Variants in AKAP6 observed in about 807,000 individuals in gnomAD.
AKAP6 encodes the protein A-kinase anchor protein 6.
A neutral mutation model predicts 188.5 loss-of-function variants in AKAP6; 58 were observed. That is an observed-to-expected ratio of 0.31 (90% CI 0.25 to 0.38). The LOEUF is 0.38. Among genes scored for constraint, AKAP6 ranks in the 10% least tolerant of loss-of-function variants. AKAP6 has a pLI of 1.00. For synonymous variants in AKAP6, 989 were observed against 998.6 expected (o/e 0.99, Z 0.18); for missense variants, 2,710 against 2,740.0 (o/e 0.99, Z 0.24).
intron 7 of AKAP6, among the ~76,000 whole-genome samples, chr14:32,646,814 T>C (rs1163016824): frequency 6.6e-6 from 1 of 152,078 alleles, no homozygotes; most frequent in Non-Finnish European, 1.5e-5. Context: ...GTAGTGGCAA[T>C]GGTGCATGAA....
Position 32,585,323 on chromosome 14 carries a change from A to T in AKAP6, c.2469+8081A>T, listed in dbSNP as rs997249177. 3.9e-5 allele frequency among the ~76,000 whole-genome samples: 6 copies of T among 152,350 alleles called. No homozygotes were observed. The East Asian group carries it at 5.8e-4, about 15-fold the overall frequency. ...GTGCAAGATGTAGGAAAAACAATCA[A>T]CCACAAGAGCCTGGCTTAAACTTAG... On this transcript the variant is annotated intron_variant, in intron 5 of 13. Coordinates refer to ENST00000280979, the MANE Select transcript of AKAP6 (RefSeq NM_004274.5).
At chr14:32,456,628 A>G (rs1374997977) in intron 2 of AKAP6, among the ~76,000 whole-genome samples, 1 of 152,200 alleles carries the variant, frequency 6.6e-6, no homozygotes, top group Non-Finnish European at 1.5e-5. Flanking sequence ...TCATTCGATA[A>G]TGGTTTGTCA....
At chr14:32,408,577 C>T (rs1010563361) in intron 1 of AKAP6, among the ~76,000 whole-genome samples, 2 of 150,348 alleles carry the variant, frequency 1.3e-5, no homozygotes, top group African/African-American at 4.9e-5. Context: ...CCACTCTAAA[C>T]ATAAGGATGA....
intron 12 of AKAP6, among the ~76,000 whole-genome samples, chr14:32,788,544 C>A (rs1203477471): frequency 6.6e-6 from 1 of 152,152 alleles, no homozygotes; most frequent in Non-Finnish European, 1.5e-5. Flanking sequence ...CAACAGCCCA[C>A]CTGGGAGTGG....
intron 2 of AKAP6, among the ~76,000 whole-genome samples, chr14:32,509,835 T>C (rs1000751984): frequency 6.6e-6 from 1 of 152,110 alleles, no homozygotes; most frequent in Non-Finnish European, 1.5e-5. Context: ...CTGTTTATAG[T>C]CCTTTCAAGG....
intron 1 of AKAP6, among the ~76,000 whole-genome samples, chr14:32,354,185 A>G (rs1343412530): frequency 2.0e-5 from 3 of 152,176 alleles, no homozygotes; most frequent in East Asian, 3.9e-4. Flanking sequence ...AGCTGGAGGC[A>G]TCATGCTACC....
chr14:32,570,124 CTTTTTTTT>C (rs60851991), intron 4 of AKAP6, among the ~76,000 whole-genome samples: 3 of 74,810 alleles, frequency 4.0e-5, no homozygotes, highest in South Asian at 6.3e-4. Flanking sequence ...TGTGTGGGAA[CTTTTTTTT>C]TTTTTTTTTT....
intron 4 of AKAP6, among the ~76,000 whole-genome samples, chr14:32,559,970 AG>A (rs1313830396): frequency 6.6e-6 from 1 of 152,076 alleles, no homozygotes; most frequent in Non-Finnish European, 1.5e-5. Flanking sequence ...GATATTATAA[AG>A]GGCAAATTGA....
At chr14:32,338,556 C>T (rs1207573108) in intron 1 of AKAP6, among the ~76,000 whole-genome samples, 1 of 152,056 alleles carries the variant, frequency 6.6e-6, no homozygotes, top group Non-Finnish European at 1.5e-5. Context: ...AGGGAATAGG[C>T]AGTACCATGA....
At chr14:32,674,374 G>A (rs991826057) in intron 7 of AKAP6, among the ~76,000 whole-genome samples, 6 of 152,172 alleles carry the variant, frequency 3.9e-5, no homozygotes, top group African/African-American at 7.2e-5. Context: ...AAGAATGAGC[G>A]AAGGGAGATA....
At chr14:32,593,367 G>C (rs1419971950) in intron 5 of AKAP6, among the ~76,000 whole-genome samples, 1 of 152,188 alleles carries the variant, frequency 6.6e-6, no homozygotes, top group Non-Finnish European at 1.5e-5. Context: ...CCATGCACTG[G>C]AGGGATGACT....
intron 2 of AKAP6, among the ~76,000 whole-genome samples, chr14:32,466,846 T>TATATA (rs879653303): frequency 0.022 from 3,088 of 142,504 alleles, 54 homozygotes; most frequent in Middle Eastern, 0.033. Context: ...TATATATATA[T>TATATA]TTTCTTTCTT....
intron 1 of AKAP6, among the ~76,000 whole-genome samples, chr14:32,377,050 T>C (rs1444172192): frequency 2.0e-5 from 3 of 152,268 alleles, no homozygotes; most frequent in East Asian, 3.9e-4. Context: ...GAGGAGTAAA[T>C]TGAGGAAGGC....
chr14:32,459,214 G>A (rs1891242425), intron 2 of AKAP6, among the ~76,000 whole-genome samples: 1 of 152,130 alleles, frequency 6.6e-6, no homozygotes, highest in African/African-American at 2.4e-5. Context: ...GGTTGCTAGA[G>A]ATTGAATTAT....
intron 2 of AKAP6, 151 bp from the exon 3 acceptor site, chr14:32,535,403 A>T (rs1882626655): frequency 1.2e-6 from 1 of 858,732 alleles, no homozygotes; most frequent in African/African-American, 1.7e-5. Flanking sequence ...GCAACTGGGT[A>T]TCTGAACTAA....
chr14:32,760,560 T>C (rs2032502576), intron 11 of AKAP6, among the ~76,000 whole-genome samples: 1 of 152,224 alleles, frequency 6.6e-6, no homozygotes. Context: ...ACTTGTGTTC[T>C]GTCTTGCTGC....
rs993784348 is a variant in AKAP6 at position 32,802,319 on chromosome 14, A to G, written c.3589-19083A>G. Among the ~76,000 whole-genome samples, 5 of 152,300 alleles carry G rather than the reference A, an allele frequency of 3.3e-5. No individual in the cohort carries two copies. The East Asian group carries it at 9.6e-4, about 29-fold the overall frequency. ...CTGGTACCACTGTGACTATATAAATATTTTGCCCCAAGAATAGCCTACCTA... is the reference window on the plus strand; with the variant it reads ...CTGGTACCACTGTGACTATATAAATGTTTTGCCCCAAGAATAGCCTACCTA... On this transcript the variant is annotated intron_variant, in intron 12 of 13. Transcript: ENST00000280979.
rs376056872 is a variant in AKAP6, at chr14:32,766,300, A to G, written c.3373-7378A>G. On this transcript the variant is annotated intron_variant, in intron 11 of 13. Coordinates refer to ENST00000280979, the MANE Select transcript of AKAP6 (RefSeq NM_004274.5). ...ATGTTTCCACTTTTTGGCTTTATGA[A>G]TAATGCCATTATGAATATTTGTGTG... Among the ~76,000 whole-genome samples, 74 of 152,250 alleles carry G rather than the reference A, an allele frequency of 4.9e-4. 2 individuals are homozygous for G. In the South Asian group the frequency reaches 0.015, roughly 31 times the overall value.
intron 7 of AKAP6, among the ~76,000 whole-genome samples, chr14:32,664,267 C>T (rs1203069612): frequency 6.6e-6 from 1 of 152,044 alleles, no homozygotes; most frequent in Non-Finnish European, 1.5e-5. Flanking sequence ...AAGGTCTAAG[C>T]AGCAGTGATG....
Sources: allele counts gnomAD v4.1 joint callset (sites outside exome capture counted in the v4.1 genomes callset), GRCh38; gene constraint gnomAD v4.1.1; transcripts MANE v1.5; gene names NCBI Gene and HGNC (gene_info 2026-07-23, HGNC 2026-07-21).